The following PTPRD variants were observed in gnomAD, a reference collection of about 807,000 sequenced individuals.
The protein encoded by PTPRD is protein tyrosine phosphatase receptor type D.
In PTPRD, 34 loss-of-function variants were observed where a neutral mutation model predicts 214.5. That is an observed-to-expected ratio of 0.16 (90% CI 0.12 to 0.21). PTPRD has a LOEUF of 0.21. Among genes scored for constraint, PTPRD ranks in the 10% least tolerant of loss-of-function variants. The pLI is 1.00. For missense variants in PTPRD, 2,545 were observed against 2,398.7 expected, an observed-to-expected ratio of 1.06 and a Z score of -1.27; for synonymous variants, 1,128 against 845.7, an observed-to-expected ratio of 1.33 and a Z score of -5.79.
intron 5 of PTPRD, among the ~76,000 whole-genome samples, chr9:9,869,922 A>G (rs1005119366): frequency 2.6e-5 from 4 of 152,066 alleles, no homozygotes; most frequent in Non-Finnish European, 4.4e-5. Context: ...AGATGACATT[A>G]AGCAATGGTT....
At chr9:9,148,604 G>T (rs757411783) in intron 10 of PTPRD, among the ~76,000 whole-genome samples, 2 of 151,880 alleles carry the variant, frequency 1.3e-5, no homozygotes, top group South Asian at 2.1e-4. Context: ...GAAACTGTGA[G>T]GACAGATGAG....
chr9:8,477,245 G>C (rs1020592431), intron 30 of PTPRD, among the ~76,000 whole-genome samples: 2 of 151,958 alleles, frequency 1.3e-5, no homozygotes, highest in Non-Finnish European at 2.9e-5. Flanking sequence ...TTTCAACATA[G>C]ACTTTAACTA....
intron 3 of PTPRD, among the ~76,000 whole-genome samples, chr9:10,214,316 G>A (rs182482322): frequency 1.3e-4 from 19 of 151,804 alleles, no homozygotes; most frequent in Admixed American, 1.1e-3. Context: ...CACTCTTGTC[G>A]CCCAGGCTGG....
intron 8 of PTPRD, among the ~76,000 whole-genome samples, chr9:9,415,671 G>C (rs1476983418): frequency 6.6e-6 from 1 of 152,076 alleles, no homozygotes; most frequent in Admixed American, 6.6e-5. Flanking sequence ...TTAGGGATTA[G>C]TAATAGGACA....
chr9:10,193,737 T>A (rs17620627), intron 3 of PTPRD, among the ~76,000 whole-genome samples: 16,835 of 152,204 alleles, frequency 0.11, 1,113 homozygotes, highest in Non-Finnish European at 0.16. Context: ...ACGTATGGTA[T>A]CTGGAAAGAG....
chr9:10,406,357 T>G (rs1214727551), intron 2 of PTPRD, among the ~76,000 whole-genome samples: 1 of 151,518 alleles, frequency 6.6e-6, no homozygotes, highest in Non-Finnish European at 1.5e-5. Flanking sequence ...TACCTAATAT[T>G]ATAGTGGAAT....
intron 7 of PTPRD, among the ~76,000 whole-genome samples, chr9:9,714,224 A>G (rs1233842028): frequency 6.6e-6 from 1 of 152,114 alleles, no homozygotes; most frequent in Admixed American, 6.6e-5. Context: ...CCATGGGGCT[A>G]TAGCACATGT....
chr9:9,908,416 G>T (rs900165641), intron 5 of PTPRD, among the ~76,000 whole-genome samples: 1 of 151,854 alleles, frequency 6.6e-6, no homozygotes, highest in African/African-American at 2.4e-5. Context: ...CTAGTCCTTT[G>T]AAAGTACTGG....
At chr9:9,965,571 T>C (rs973802771) in intron 4 of PTPRD, among the ~76,000 whole-genome samples, 1 of 152,168 alleles carries the variant, frequency 6.6e-6, no homozygotes, top group African/African-American at 2.4e-5. Flanking sequence ...TCTAATAGTA[T>C]TTATTAAGGA....
At chr9:9,091,130 C>T (rs2099775029) in intron 10 of PTPRD, 1 of 1,476,398 alleles carries the variant, frequency 6.8e-7, no homozygotes, top group South Asian at 1.1e-5. Context: ...GTGAGTTGTG[C>T]AATTCACAGC....
intron 10 of PTPRD, among the ~76,000 whole-genome samples, chr9:9,106,127 C>T (rs1002981879): frequency 6.6e-6 from 1 of 152,096 alleles, no homozygotes; most frequent in South Asian, 2.1e-4. Context: ...AAACCTTACT[C>T]ATCATTTTTG....
intron 5 of PTPRD, among the ~76,000 whole-genome samples, chr9:9,769,996 T>C (rs1261952091): frequency 2.0e-5 from 3 of 152,320 alleles, no homozygotes; most frequent in African/African-American, 7.2e-5. Flanking sequence ...ATTTTCTTTA[T>C]CCAGTCTATC....
chr9:10,119,885 G>T (rs2098761351), intron 3 of PTPRD, among the ~76,000 whole-genome samples: 1 of 152,038 alleles, frequency 6.6e-6, no homozygotes, highest in Non-Finnish European at 1.5e-5. Context: ...AGGAGGGCAT[G>T]CTTAGAAAAT....
intron 8 of PTPRD, among the ~76,000 whole-genome samples, chr9:9,490,597 G>A (rs1269395130): frequency 1.3e-5 from 2 of 151,972 alleles, no homozygotes; most frequent in African/African-American, 2.4e-5. Flanking sequence ...AAACAGTGGG[G>A]ACATAGCTTT....
At chr9:10,582,255 A>C (rs2072161222) in intron 2 of PTPRD, among the ~76,000 whole-genome samples, 2 of 152,158 alleles carry the variant, frequency 1.3e-5, no homozygotes, top group Admixed American at 6.5e-5. Flanking sequence ...TTGATCAATA[A>C]AGATTGATTT....
At chr9:10,291,212 G>C (rs1230262338) in intron 3 of PTPRD, among the ~76,000 whole-genome samples, 3 of 151,808 alleles carry the variant, frequency 2.0e-5, no homozygotes, top group Admixed American at 2.0e-4. Context: ...GTCTCCCTGG[G>C]TTTCCTAAAA....
chr9:8,570,342 A>G (rs2090746032), intron 14 of PTPRD, among the ~76,000 whole-genome samples: 1 of 152,176 alleles, frequency 6.6e-6, no homozygotes. Flanking sequence ...TGCAAAACAA[A>G]TAAGCCACCA....
At chr9:8,724,993 T>C (rs2098542247) in intron 12 of PTPRD, among the ~76,000 whole-genome samples, 2 of 152,280 alleles carry the variant, frequency 1.3e-5, no homozygotes, top group East Asian at 3.9e-4. Flanking sequence ...TGGTAAAATC[T>C]AAATAACACA....
chr9:9,929,622 G>C (rs1165420833), intron 5 of PTPRD, among the ~76,000 whole-genome samples: 1 of 152,114 alleles, frequency 6.6e-6, no homozygotes, highest in Non-Finnish European at 1.5e-5. Context: ...TCAATCTCTT[G>C]ACCTCGTGAT....
Sources: allele counts gnomAD v4.1 joint callset (sites outside exome capture counted in the v4.1 genomes callset), GRCh38; gene constraint gnomAD v4.1.1; transcripts MANE v1.5; gene names NCBI Gene and HGNC (gene_info 2026-07-23, HGNC 2026-07-21).